Variants in PTPN3 observed in about 807,000 individuals in gnomAD.
The protein encoded by PTPN3 is protein tyrosine phosphatase non-receptor type 3, also known as tyrosine-protein phosphatase non-receptor type 3.
A neutral mutation model predicts 132.7 loss-of-function variants in PTPN3; 96 were observed. That is an observed-to-expected ratio of 0.72 (90% CI 0.61 to 0.86). PTPN3 has a LOEUF of 0.86. PTPN3 is among the 40% of genes least tolerant of loss of function. The probability of loss-of-function intolerance (pLI) is 0.00; values close to 1 mark genes in which losing one functional copy is unlikely to be tolerated. For missense variants in PTPN3, 1,125 were observed against 1,159.6 expected (o/e 0.97, Z 0.43); for synonymous variants, 398 against 429.0 (o/e 0.93, Z 0.89).
chr9:109,386,193 C>A (rs1167854067), intron 22 of PTPN3, among the ~76,000 whole-genome samples: 1 of 152,138 alleles, frequency 6.6e-6, no homozygotes, highest in African/African-American at 2.4e-5. Flanking sequence ...GTCATCTGGT[C>A]ATCCAAGGGT....
chr9:109,458,661 A>G (rs1468292864), intron 2 of PTPN3, among the ~76,000 whole-genome samples: 1 of 152,044 alleles, frequency 6.6e-6, no homozygotes. Context: ...TTTCCTGAAC[A>G]TGCCCCCTTT....
chr9:109,419,543 G>A (rs1449574404), intron 14 of PTPN3, among the ~76,000 whole-genome samples: 1 of 152,022 alleles, frequency 6.6e-6, no homozygotes, highest in Non-Finnish European at 1.5e-5. Flanking sequence ...TATAATCTAT[G>A]TCTTACCTAC....
chr9:109,433,233 C>G, intron 9 of PTPN3, 72 bp from the exon 10 acceptor site: 1 of 1,585,984 alleles, frequency 6.3e-7, no homozygotes, highest in Admixed American at 1.7e-5. Context: ...CTTTAAAGCA[C>G]CCACGCTGTT....
upstream of PTPN3, among the ~76,000 whole-genome samples, chr9:109,499,720 G>T (rs1379719998): frequency 1.3e-5 from 2 of 152,212 alleles, no homozygotes; most frequent in Non-Finnish European, 2.9e-5. Flanking sequence ...GCAGCCCCTG[G>T]AACCTCATTT....
the PTPN3 span, among the ~76,000 whole-genome samples, chr9:109,513,880 C>A: frequency 2.0e-5 from 3 of 152,176 alleles, no homozygotes; most frequent in African/African-American, 7.2e-5. Context: ...ATGTAAATGG[C>A]TAATTAAGAT....
At chr9:109,393,509 C>T in intron 19 of PTPN3, among the ~76,000 whole-genome samples, 1 of 151,342 alleles carries the variant, frequency 6.6e-6, no homozygotes, top group Admixed American at 6.6e-5. Context: ...GCCTCAGCCT[C>T]CTGAGTAGCT....
chr9:109,504,285 G>C, the PTPN3 span, among the ~76,000 whole-genome samples: 1 of 152,172 alleles, frequency 6.6e-6, no homozygotes, highest in African/African-American at 2.4e-5. Context: ...CACCAGACCC[G>C]TAGGGCCCTC....
At chr9:109,405,349 C>G (rs910696148) in intron 18 of PTPN3, among the ~76,000 whole-genome samples, 33 of 152,130 alleles carry the variant, frequency 2.2e-4, no homozygotes, top group African/African-American at 7.7e-4. Context: ...AGAGCCGAGG[C>G]AGGAGCACAG....
In PTPN3 at chr9:109,463,447, A is replaced by G. The variant is rs781149545; in HGVS notation, c.-13T>C. 4 of 1,604,308 alleles carry G rather than the reference A, an allele frequency of 2.5e-6. No individual in the cohort carries two copies. The highest frequency in any genetic ancestry group is 3.4e-6 in the Non-Finnish European group (4 of 1,177,058). On this transcript the variant is annotated 5_prime_UTR_variant, in exon 2 of 26. Transcript: ENST00000374541. Reference sequence around the variant, plus strand: ...ACCGGGAGGTCATAACTATCGCTGAATAACCTGTAACATAAAATATACCTG... The same window carrying G: ...ACCGGGAGGTCATAACTATCGCTGAGTAACCTGTAACATAAAATATACCTG...
chr9:109,386,754 G>A (rs1053675255), intron 22 of PTPN3, among the ~76,000 whole-genome samples: 7 of 152,172 alleles, frequency 4.6e-5, no homozygotes, highest in African/African-American at 7.2e-5. Context: ...GAGACTTTAC[G>A]TGGTGCACCT....
chr9:109,500,489 T>C (rs1847849604), upstream of PTPN3, among the ~76,000 whole-genome samples: 1 of 151,876 alleles, frequency 6.6e-6, no homozygotes, highest in African/African-American at 2.4e-5. Context: ...ACTCCCCAAA[T>C]TGGAAACAAA....
intron 2 of PTPN3, 125 bp downstream of exon 2, chr9:109,463,172 A>G (rs1845932047): frequency 9.5e-7 from 1 of 1,049,896 alleles, no homozygotes; most frequent in Non-Finnish European, 1.3e-6. Flanking sequence ...CTCAACATAC[A>G]AGATCTGAGA....
At chr9:109,441,577 G>T (rs977660147) in intron 7 of PTPN3, among the ~76,000 whole-genome samples, 7 of 152,134 alleles carry the variant, frequency 4.6e-5, no homozygotes, top group African/African-American at 1.7e-4. Context: ...TTATCCATCT[G>T]TGCACCCTGA....
intron 13 of PTPN3, among the ~76,000 whole-genome samples, chr9:109,421,381 G>A (rs1842884028): frequency 6.6e-6 from 1 of 152,166 alleles, no homozygotes; most frequent in South Asian, 2.1e-4. Flanking sequence ...CCCTTTCTTT[G>A]TTAGCCATTT....
intron 16 of PTPN3, among the ~76,000 whole-genome samples, chr9:109,409,524 A>T (rs1271306083): frequency 6.6e-6 from 1 of 152,010 alleles, no homozygotes; most frequent in Non-Finnish European, 1.5e-5. Context: ...AGGCCACATT[A>T]AAAAAAACCT....
chr9:109,537,563 T>C, the PTPN3 span, among the ~76,000 whole-genome samples: 2 of 151,766 alleles, frequency 1.3e-5, no homozygotes, highest in African/African-American at 4.8e-5. Context: ...AATTATGACA[T>C]CTACACTCTA....
chr9:109,522,343 G>C, the PTPN3 span, among the ~76,000 whole-genome samples: 1 of 152,182 alleles, frequency 6.6e-6, no homozygotes, highest in Non-Finnish European at 1.5e-5. Context: ...AGTTCAGACA[G>C]TTTCGAAGTC....
chr9:109,502,846 G>T (rs1467291836), upstream of PTPN3, among the ~76,000 whole-genome samples: 1 of 152,136 alleles, frequency 6.6e-6, no homozygotes, highest in Non-Finnish European at 1.5e-5. Context: ...TTGAACATCG[G>T]TAACTTCCTG....
chr9:109,508,036 C>G, the PTPN3 span, among the ~76,000 whole-genome samples: 7 of 152,070 alleles, frequency 4.6e-5, no homozygotes, highest in African/African-American at 1.7e-4. Context: ...ACAACACATT[C>G]GACTGTCTCT....
Sources: gnomAD v4.1 joint callset for allele counts (sites outside exome capture counted in the v4.1 genomes callset) on GRCh38, gnomAD v4.1.1 for gene constraint, MANE v1.5 for transcripts, NCBI Gene and HGNC (gene_info 2026-07-23, HGNC 2026-07-21) for gene names.